The following NAALADL2 variants were observed in gnomAD, a reference collection of about 807,000 sequenced individuals.
The protein encoded by NAALADL2 is N-acetylated alpha-linked acidic dipeptidase like 2.
NAALADL2 carries 76 observed loss-of-function variants against 87.2 expected under a neutral mutation model. That is an observed-to-expected ratio of 0.87 (90% CI 0.72 to 1.05). The LOEUF (loss-of-function observed/expected upper bound fraction) is 1.05, where lower values mean the gene tolerates loss of function less well. NAALADL2 is among the 50% of genes least tolerant of loss of function. The pLI is 0.00. For synonymous variants in NAALADL2, 354 were observed against 331.0 expected (o/e 1.07, Z -0.75); for missense variants, 1,089 against 945.8 (o/e 1.15, Z -1.99).
intron 2 of NAALADL2, among the ~76,000 whole-genome samples, chr3:175,165,966 C>T (rs1030282976): frequency 7.9e-5 from 12 of 151,636 alleles, no homozygotes; most frequent in African/African-American, 2.9e-4. Flanking sequence ...TGCCACCGGC[C>T]TCACATTAGT....
intron 5 of NAALADL2, among the ~76,000 whole-genome samples, chr3:175,439,961 T>C (rs1231383441): frequency 6.6e-6 from 1 of 152,130 alleles, no homozygotes; most frequent in Admixed American, 6.6e-5. Flanking sequence ...AGTCTTTGCC[T>C]AAGCCAGTGT....
rs1724017333 is a variant in NAALADL2 at position 174,648,352 on chromosome 3, A to C, written c.-114-89289A>C. On this transcript the variant is annotated intron_variant, in intron 2 of 3. Coordinates refer to the NAALADL2 transcript ENST00000434257. ...AACCACCAAAAAGAAAAAAAAAAAAACAAACCTTTGTCATAGCTATGTATG... is the reference window on the plus strand; with the variant it reads ...AACCACCAAAAAGAAAAAAAAAAAACCAAACCTTTGTCATAGCTATGTATG... 2.0e-5 allele frequency among the ~76,000 whole-genome samples: 3 copies of C among 151,786 alleles called. No individual in the cohort carries two copies. In the South Asian group the frequency reaches 6.3e-4, roughly 32 times the overall value.
chr3:175,418,918 G>A (rs1715167371), intron 5 of NAALADL2, among the ~76,000 whole-genome samples: 1 of 152,006 alleles, frequency 6.6e-6, no homozygotes, highest in Admixed American at 6.6e-5. Flanking sequence ...GAGAGCAACG[G>A]CAGGCAACCA....
chr3:174,840,040 A>T (rs1723836374), intron 3 of NAALADL2, among the ~76,000 whole-genome samples: 1 of 152,168 alleles, frequency 6.6e-6, no homozygotes, highest in African/African-American at 2.4e-5. Context: ...TATGAAAAAG[A>T]TACTTGCACA....
intron 11 of NAALADL2, among the ~76,000 whole-genome samples, chr3:175,644,704 C>A (rs1213231042): frequency 1.3e-5 from 2 of 151,914 alleles, no homozygotes; most frequent in Non-Finnish European, 1.5e-5. Flanking sequence ...TTAAAAATAT[C>A]TTGAGTATTC....
intron 11 of NAALADL2, among the ~76,000 whole-genome samples, chr3:175,651,892 G>A (rs1022647499): frequency 6.6e-6 from 1 of 152,174 alleles, no homozygotes; most frequent in African/African-American, 2.4e-5. Context: ...AAGCAGAGAA[G>A]CAAACGAAAA....
intron 9 of NAALADL2, among the ~76,000 whole-genome samples, chr3:175,565,827 C>CAA (rs1553923369): frequency 7.3e-6 from 1 of 136,330 alleles, no homozygotes; most frequent in East Asian, 2.4e-4. Context: ...AAAGCCCCCC[C>CAA]CCTTTTTTTT....
intron 2 of NAALADL2, among the ~76,000 whole-genome samples, chr3:174,687,493 G>GA (rs1330407553): frequency 6.6e-6 from 1 of 151,636 alleles, no homozygotes; most frequent in Non-Finnish European, 1.5e-5. Flanking sequence ...GGGGATCCAA[G>GA]AAAAAAAATG....
intron 1 of NAALADL2, among the ~76,000 whole-genome samples, chr3:174,442,826 G>A (rs1033263923): frequency 2.0e-5 from 3 of 152,286 alleles, no homozygotes; most frequent in East Asian, 1.9e-4. Context: ...ATTTAAAATA[G>A]GATTTTACCG....
At chr3:175,632,493 C>T (rs1374893885) in intron 11 of NAALADL2, among the ~76,000 whole-genome samples, 2 of 151,758 alleles carry the variant, frequency 1.3e-5, no homozygotes, top group Admixed American at 1.3e-4. Flanking sequence ...TTTGACGGTG[C>T]TTTAAAGATC....
intron 9 of NAALADL2, among the ~76,000 whole-genome samples, chr3:175,477,151 G>A (rs1040404735): frequency 6.6e-5 from 10 of 152,042 alleles, no homozygotes; most frequent in South Asian, 4.1e-4. Context: ...GAAACAAACA[G>A]CAGATAGGTT....
chr3:175,590,680 A>C (rs1334021168), intron 10 of NAALADL2, among the ~76,000 whole-genome samples: 2 of 152,158 alleles, frequency 1.3e-5, no homozygotes, highest in Admixed American at 6.5e-5. Flanking sequence ...GACAGGTATC[A>C]GGGACTGGCT....
At chr3:174,683,332 A>G (rs1247747279) in intron 2 of NAALADL2, among the ~76,000 whole-genome samples, 2 of 152,182 alleles carry the variant, frequency 1.3e-5, no homozygotes, top group Non-Finnish European at 2.9e-5. Flanking sequence ...AGATACAGGT[A>G]GAAGGAAGCC....
intron 1 of NAALADL2, among the ~76,000 whole-genome samples, chr3:174,870,819 A>G (rs935939410): frequency 1.3e-5 from 2 of 152,160 alleles, no homozygotes; most frequent in Non-Finnish European, 2.9e-5. Context: ...ACTTAAAAAA[A>G]TAATATTTTA....
At chr3:175,016,278 A>ATATATATATATATAT (rs58474829) in intron 1 of NAALADL2, among the ~76,000 whole-genome samples, 1 of 144,842 alleles carries the variant, frequency 6.9e-6, no homozygotes, top group African/African-American at 2.6e-5. Context: ...TATATATATA[A>ATATATATATATATAT]AAAACAATAG....
At chr3:174,503,119 C>A (rs1718999772) in intron 1 of NAALADL2, among the ~76,000 whole-genome samples, 1 of 151,860 alleles carries the variant, frequency 6.6e-6, no homozygotes, top group South Asian at 2.1e-4. Flanking sequence ...GGAAACAAGG[C>A]AAATTGGAAT....
intron 3 of NAALADL2, among the ~76,000 whole-genome samples, chr3:174,817,430 T>A (rs1282821144): frequency 6.6e-6 from 1 of 152,070 alleles, no homozygotes; most frequent in Non-Finnish European, 1.5e-5. Context: ...AGTGACACCA[T>A]GTCTCTACAA....
intron 2 of NAALADL2, among the ~76,000 whole-genome samples, chr3:175,206,426 GA>G (rs1740932859): frequency 6.6e-6 from 1 of 151,410 alleles, no homozygotes; most frequent in African/African-American, 2.4e-5. Flanking sequence ...ACCTGGATGA[GA>G]CTGAAGGCTA....
chr3:175,195,774 C>G (rs1738897391), intron 2 of NAALADL2, among the ~76,000 whole-genome samples: 1 of 151,850 alleles, frequency 6.6e-6, no homozygotes, highest in Non-Finnish European at 1.5e-5. Flanking sequence ...GGCCTGAAGG[C>G]TTTCATGGAT....
Sources: allele counts gnomAD v4.1 joint callset (sites outside exome capture counted in the v4.1 genomes callset), GRCh38; gene constraint gnomAD v4.1.1; transcripts MANE v1.5; gene names NCBI Gene and HGNC (gene_info 2026-07-23, HGNC 2026-07-21).